SP4: variants seen among roughly 807,000 people sequenced by gnomAD.
The protein encoded by SP4 is Sp4 transcription factor.
SP4 carries 19 observed loss-of-function variants against 72.8 expected under a neutral mutation model. The ratio of observed to expected loss-of-function variants is 0.26; its 90% confidence interval spans 0.18 to 0.38. The LOEUF is 0.38. Ranked by LOEUF, SP4 falls within the 10% of genes least tolerant of loss-of-function variation. The pLI is 1.00. For missense variants in SP4, 1,008 were observed against 926.3 expected (o/e 1.09, Z -1.14); for synonymous variants, 395 against 333.1 (o/e 1.19, Z -2.02).
chr7:21,440,315 A>G (rs1430421903), intron 3 of SP4, among the ~76,000 whole-genome samples: 14 of 152,342 alleles, frequency 9.2e-5, no homozygotes, highest in African/African-American at 2.6e-4. Context: ...GGCTTTGAAT[A>G]ATGTAAAGAA....
intron 3 of SP4, among the ~76,000 whole-genome samples, chr7:21,436,821 A>G (rs906793257): frequency 6.6e-6 from 1 of 152,196 alleles, no homozygotes; most frequent in African/African-American, 2.4e-5. Context: ...TGTAGTTACT[A>G]AGGTAACTTA....
At position 21,507,739 on chromosome 7, in the gene SP4, C is replaced by A. The variant is rs542611134; in HGVS notation, c.2108-3283C>A. Among the ~76,000 whole-genome samples, 5 of 152,202 alleles carry A rather than the reference C, an allele frequency of 3.3e-5. No homozygotes were observed. In the South Asian group the frequency reaches 1.0e-3, roughly 32 times the overall value. ...CTTTGGCTCCCTCTTTCCCTTGTCC[C>A]CTAGGCCTAGAATTTCTGTTTCCCA... On this transcript the variant is annotated intron_variant, in intron 5 of 5. Transcript: ENST00000222584.
intron 3 of SP4, among the ~76,000 whole-genome samples, chr7:21,473,866 G>T (rs1399580939): frequency 1.3e-5 from 2 of 152,184 alleles, no homozygotes; most frequent in East Asian, 3.8e-4. Context: ...GCTCTGAGAA[G>T]TCAATAGAAT....
chr7:21,430,060 C>A lies in SP4; in HGVS notation c.895C>A (p.Gln299Lys). ...TGATAGTGGGACTTCCAATGGGAAT[C>A]AATTAGTTTCCACACCCACCAACAC... is the stretch of plus-strand genomic sequence containing the variant. ...TADSGTSNGN[Q>K]LVSTPTNTTT... The change falls in exon 3 of 6, where the codon CAA becomes AAA. Residue 299 changes from glutamine to lysine, a missense_variant. Coordinates refer to ENST00000222584, the MANE Select transcript of SP4 (RefSeq NM_003112.5). 6.2e-7 allele frequency: 1 copy of A among 1,614,168 alleles called. No homozygotes were observed. The highest frequency in any genetic ancestry group is 8.5e-7 in the Non-Finnish European group (1 of 1,180,032).
At chr7:21,448,453 T>C (rs1039384685) in intron 3 of SP4, among the ~76,000 whole-genome samples, 1 of 152,192 alleles carries the variant, frequency 6.6e-6, no homozygotes, top group Non-Finnish European at 1.5e-5. Context: ...ATGATAATTA[T>C]ATAGATTTAA....
intron 3 of SP4, among the ~76,000 whole-genome samples, chr7:21,471,695 G>T (rs528301445): frequency 6.6e-6 from 1 of 152,124 alleles, no homozygotes; most frequent in African/African-American, 2.4e-5. Context: ...TTAACTAGGT[G>T]TGGTGGCATG....
chr7:21,482,974 G>A (rs940152186), intron 5 of SP4, among the ~76,000 whole-genome samples: 1 of 152,094 alleles, frequency 6.6e-6, no homozygotes, highest in South Asian at 2.1e-4. Flanking sequence ...ATGAGAACAT[G>A]TGTGAGAAGT....
chr7:21,448,168 T>C (rs1405687261), intron 3 of SP4, among the ~76,000 whole-genome samples: 1 of 152,226 alleles, frequency 6.6e-6, no homozygotes, highest in Non-Finnish European at 1.5e-5. Context: ...TTAACAAATA[T>C]TTAGTTACCC....
At chr7:21,476,740 G>A (rs1191287853) in intron 3 of SP4, among the ~76,000 whole-genome samples, 2 of 152,118 alleles carry the variant, frequency 1.3e-5, no homozygotes, top group African/African-American at 2.4e-5. Context: ...ATCTCAAAAT[G>A]CTTTTAGACT....
intron 3 of SP4, among the ~76,000 whole-genome samples, chr7:21,459,311 G>T (rs1783878838): frequency 6.6e-6 from 1 of 152,104 alleles, no homozygotes; most frequent in Admixed American, 6.5e-5. Context: ...AGTAGAGACA[G>T]GGTTTCACTG....
intron 3 of SP4, among the ~76,000 whole-genome samples, chr7:21,467,419 T>C (rs886140045): frequency 2.6e-5 from 4 of 152,158 alleles, no homozygotes; most frequent in Non-Finnish European, 1.5e-5. Flanking sequence ...TGGCTTTTGG[T>C]ATATTGATAG....
chr7:21,487,739 AGTT>A (rs1784858867), intron 5 of SP4, among the ~76,000 whole-genome samples: 1 of 111,832 alleles, frequency 8.9e-6, no homozygotes, highest in Non-Finnish European at 1.8e-5. Flanking sequence ...TTTTTGTTCA[AGTT>A]GATGATGATG....
intron 3 of SP4, among the ~76,000 whole-genome samples, chr7:21,450,959 T>A (rs138736145): frequency 6.6e-6 from 1 of 152,288 alleles, no homozygotes; most frequent in East Asian, 1.9e-4. Flanking sequence ...GCGGGCGACA[T>A]GAGAGTCAAG....
chr7:21,454,284 T>C (rs73058495), intron 3 of SP4, among the ~76,000 whole-genome samples: 4,603 of 152,266 alleles, frequency 0.03, 105 homozygotes, highest in Non-Finnish European at 0.049. Flanking sequence ...AGTAGAAGTT[T>C]AGGAAGCATT....
chr7:21,428,456 G>C (rs1431923512), intron 1 of SP4, among the ~76,000 whole-genome samples, 198 bp downstream of exon 1: 1 of 152,120 alleles, frequency 6.6e-6, no homozygotes, highest in Non-Finnish European at 1.5e-5. Context: ...CTCCTTCTGG[G>C]TGTTGCTCTG....
chr7:21,467,886 T>C (rs1041955766), intron 3 of SP4, among the ~76,000 whole-genome samples: 6 of 152,150 alleles, frequency 3.9e-5, no homozygotes, highest in Admixed American at 3.9e-4. Flanking sequence ...CTAGGTTATA[T>C]GCACAAAACA....
intron 3 of SP4, among the ~76,000 whole-genome samples, chr7:21,452,069 CAG>C (rs1200132571): frequency 6.6e-6 from 1 of 152,158 alleles, no homozygotes; most frequent in South Asian, 2.1e-4. Context: ...CAGGAATGAG[CAG>C]AGTTATTCTA....
chr7:21,502,879 C>G (rs1480513762), intron 5 of SP4, among the ~76,000 whole-genome samples: 3 of 152,136 alleles, frequency 2.0e-5, no homozygotes, highest in African/African-American at 7.2e-5. Context: ...AAGAGTCTTC[C>G]AGAACTGGGG....
intron 3 of SP4, 134 bp downstream of exon 3, chr7:21,430,977 A>G: frequency 1.6e-6 from 1 of 636,428 alleles, no homozygotes; most frequent in Non-Finnish European, 2.7e-6. Flanking sequence ...AAATAGCAAT[A>G]TTATACTAAC....
Sources: allele counts gnomAD v4.1 joint callset (sites outside exome capture counted in the v4.1 genomes callset), GRCh38; gene constraint gnomAD v4.1.1; transcripts MANE v1.5; gene names NCBI Gene and HGNC (gene_info 2026-07-23, HGNC 2026-07-21).